The following KCNJ6 variants were observed in gnomAD, a reference collection of about 807,000 sequenced individuals.
KCNJ6 encodes potassium inwardly rectifying channel subfamily J member 6.
Under a neutral mutation model 34.2 loss-of-function variants are expected in KCNJ6, and 9 were observed. The observed-to-expected ratio is 0.26, with a 90% CI of 0.16 to 0.46. The LOEUF is 0.46. Ranked by LOEUF, KCNJ6 falls within the 20% of genes least tolerant of loss-of-function variation. The probability of loss-of-function intolerance (pLI) is 1.00; values close to 1 mark genes in which losing one functional copy is unlikely to be tolerated. For missense variants in KCNJ6, 236 were observed against 531.3 expected (o/e 0.44, Z 5.46); for synonymous variants, 196 against 207.1 (o/e 0.95, Z 0.46).
chr21:37,712,658 T>C (rs1292988566), intron 3 of KCNJ6, among the ~76,000 whole-genome samples: 60 of 104,856 alleles, frequency 5.7e-4, no homozygotes, highest in African/African-American at 3.4e-3. Context: ...CCTCCTCTCC[T>C]TCCTCCCTTT....
chr21:37,819,186 A>G (rs1789246343), intron 2 of KCNJ6, among the ~76,000 whole-genome samples: 1 of 152,166 alleles, frequency 6.6e-6, no homozygotes, highest in Non-Finnish European at 1.5e-5. Flanking sequence ...CTGGCAACAG[A>G]TAGTGAATGA....
intron 3 of KCNJ6, among the ~76,000 whole-genome samples, chr21:37,708,736 A>G (rs1454171365): frequency 6.6e-6 from 1 of 152,208 alleles, no homozygotes; most frequent in Non-Finnish European, 1.5e-5. Context: ...AAAAATGGTA[A>G]AATTGGAGAT....
At chr21:37,684,729 G>A (rs2054605627) in intron 3 of KCNJ6, among the ~76,000 whole-genome samples, 1 of 152,206 alleles carries the variant, frequency 6.6e-6, no homozygotes, top group Non-Finnish European at 1.5e-5. Flanking sequence ...AAAGTGTTAG[G>A]ACATCGGCTG....
In KCNJ6 at chr21:37,858,129, C is replaced by T. The variant is rs370703269; in HGVS notation, c.-27-17420G>A. ...CAGATTGGCCAGGTACGGTGGCTCA[C>T]GCCTGTAATCTCAGCACTTTGGGAG... is the stretch of plus-strand genomic sequence containing the variant. On this transcript the variant is annotated intron_variant, in intron 1 of 3. Transcript: ENST00000609713. Among the ~76,000 whole-genome samples, 5 of 152,038 alleles carry T rather than the reference C, an allele frequency of 3.3e-5. No individual in the cohort carries two copies. In the East Asian group the frequency reaches 5.8e-4, roughly 18 times the overall value.
intron 3 of KCNJ6, among the ~76,000 whole-genome samples, chr21:37,661,496 T>C (rs1040892430): frequency 4.6e-5 from 7 of 151,780 alleles, no homozygotes; most frequent in Non-Finnish European, 8.8e-5. Context: ...ATATCTAAAC[T>C]AATAAAGATT....
At chr21:37,688,047 TA>T (rs1262055659) in intron 3 of KCNJ6, among the ~76,000 whole-genome samples, 1 of 152,224 alleles carries the variant, frequency 6.6e-6, no homozygotes, top group African/African-American at 2.4e-5. Flanking sequence ...GTTTTAGGCA[TA>T]AAACACATGA....
chr21:37,760,369 T>C (rs1463005721), intron 2 of KCNJ6, among the ~76,000 whole-genome samples: 2 of 152,204 alleles, frequency 1.3e-5, no homozygotes, highest in Non-Finnish European at 2.9e-5. Flanking sequence ...AGAGTCAGAA[T>C]TTGGACAGAG....
intron 3 of KCNJ6, among the ~76,000 whole-genome samples, chr21:37,667,478 C>T (rs1440110173): frequency 3.3e-5 from 5 of 151,996 alleles, no homozygotes; most frequent in East Asian, 1.9e-4. Flanking sequence ...TAGTAGGCGC[C>T]GGGGTAGCGG....
intron 1 of KCNJ6, among the ~76,000 whole-genome samples, chr21:37,874,215 C>T (rs890444863): frequency 3.3e-5 from 5 of 152,172 alleles, no homozygotes; most frequent in Admixed American, 6.5e-5. Flanking sequence ...GCCCATCAGC[C>T]GCAGGCCACA....
rs531336601 is a variant in KCNJ6, at chr21:37,712,763, C to T, written c.946+1448G>A. The stretch of plus-strand genomic sequence containing the variant: ...CCTCCTCTCCTTCCTCCCCTTCCTC[C>T]TCCCCTGCCTTCCCTTCTACTTCTC... On this transcript the variant is annotated intron_variant, in intron 3 of 3. Coordinates refer to ENST00000609713, the MANE Select transcript of KCNJ6 (RefSeq NM_002240.5). Among the ~76,000 whole-genome samples, 291 of 76,878 alleles carry T rather than the reference C, an allele frequency of 3.8e-3. 82 individuals carry two copies. The highest frequency in any genetic ancestry group is 4.7e-3 in the Non-Finnish European group (169 of 35,950). 50.4% of individuals were successfully genotyped at this position (76,878 alleles called of 152,430 possible).
chr21:37,783,614 G>A (rs2055179914), intron 2 of KCNJ6, among the ~76,000 whole-genome samples: 1 of 152,178 alleles, frequency 6.6e-6, no homozygotes, highest in South Asian at 2.1e-4. Context: ...CACCTTGCCA[G>A]CCTGCAACCT....
rs2054305875 is a variant in KCNJ6, at chr21:37,625,273, G to A, written c.1158C>T (p.Ser386=). The A allele has an allele frequency of 6.2e-7, 1 of 1,614,168 alleles. No individual in the cohort carries two copies. The highest frequency in any genetic ancestry group is 8.5e-7 in the Non-Finnish European group (1 of 1,180,004). The change falls in exon 4 of 4, where the codon TCC becomes TCT. Residue 386 remains serine (S), a synonymous_variant. Transcript: ENST00000609713. ...GTTCTGCATGTTGGTTGAGTTTGCT[G>A]GATACAGACCAACTCAGGGGCAGCT... ...RAELPLSWSV[S]SKLNQHAELE...
At chr21:37,668,682 G>A (rs2054528306) in intron 3 of KCNJ6, among the ~76,000 whole-genome samples, 2 of 152,172 alleles carry the variant, frequency 1.3e-5, no homozygotes, top group African/African-American at 2.4e-5. Context: ...ACCCGTGCTG[G>A]TTGGAGGAAG....
chr21:37,896,573 C>T (rs1394126256), intron 1 of KCNJ6, among the ~76,000 whole-genome samples: 1 of 152,140 alleles, frequency 6.6e-6, no homozygotes, highest in Non-Finnish European at 1.5e-5. Flanking sequence ...GTGCAGAGGC[C>T]ACTTTTCTTG....
At chr21:37,832,705 C>T (rs547560577) in intron 2 of KCNJ6, among the ~76,000 whole-genome samples, 1 of 152,160 alleles carries the variant, frequency 6.6e-6, no homozygotes, top group Non-Finnish European at 1.5e-5. Context: ...AGCTCTGTAT[C>T]TGGTGGGGGG....
intron 2 of KCNJ6, among the ~76,000 whole-genome samples, chr21:37,756,255 T>G (rs539810030): frequency 4.6e-5 from 7 of 152,134 alleles, no homozygotes; most frequent in African/African-American, 9.7e-5. Flanking sequence ...ATAAAAGAAA[T>G]AATACCACAG....
chr21:37,658,517 G>C (rs528613655), intron 3 of KCNJ6, among the ~76,000 whole-genome samples: 2 of 152,234 alleles, frequency 1.3e-5, no homozygotes, highest in Non-Finnish European at 2.9e-5. Flanking sequence ...AGAAAGCCCC[G>C]AAGAAATGGG....
At position 37,644,370 on chromosome 21, in the gene KCNJ6, T is replaced by A. The variant is rs1220153641; in HGVS notation, c.947-18886A>T. On this transcript the variant is annotated intron_variant, in intron 3 of 3. Coordinates refer to ENST00000609713, the MANE Select transcript of KCNJ6 (RefSeq NM_002240.5). ...CAAACCTGCACATGTACCCCTGAAC[T>A]TAAAATAAAAGTTAAAAAAAGGAGA... Among the ~76,000 whole-genome samples, 3 of 152,162 alleles carry A rather than the reference T, an allele frequency of 2.0e-5. No homozygotes were observed. The East Asian group carries it at 5.8e-4, about 29-fold the overall frequency.
rs1036055420 is a variant in KCNJ6 at position 37,622,518 on chromosome 21, T to G, written c.*2641A>C. 6 of 152,180 alleles carry G rather than the reference T, an allele frequency of 3.9e-5. No individual in the cohort carries two copies. The highest frequency in any genetic ancestry group is 8.8e-5 in the Non-Finnish European group (6 of 68,014). 9.4% of individuals were successfully genotyped at this position (152,180 alleles called of 1,614,324 possible). The stretch of plus-strand genomic sequence containing the variant: ...AAATAGACATGTTTGATAGGGACAT[T>G]CTAGTAAAAGGTTCTTCAGGAGCAT... On this transcript the variant is annotated 3_prime_UTR_variant, in exon 4 of 4. Coordinates refer to ENST00000609713, the MANE Select transcript of KCNJ6 (RefSeq NM_002240.5).
Sources: allele counts gnomAD v4.1 joint callset (sites outside exome capture counted in the v4.1 genomes callset), GRCh38; gene constraint gnomAD v4.1.1; transcripts MANE v1.5; gene names NCBI Gene and HGNC (gene_info 2026-07-23, HGNC 2026-07-21).